KLHL5: variants seen among roughly 807,000 people sequenced by gnomAD.
KLHL5 encodes the protein kelch like family member 5, also known as kelch-like protein 5.
KLHL5 carries 48 observed loss-of-function variants against 77.7 expected under a neutral mutation model. The ratio of observed to expected loss-of-function variants is 0.62; its 90% CI spans 0.49 to 0.79. The LOEUF is 0.79. Among genes scored for constraint, KLHL5 ranks in the 30% least tolerant of loss-of-function variants. The pLI, the probability that KLHL5 is intolerant of heterozygous loss-of-function variation, is 0.00. For missense variants in KLHL5, 723 were observed against 859.7 expected (o/e 0.84, Z 1.99); for synonymous variants, 260 against 297.0 (o/e 0.88, Z 1.28).
rs893396199 is a variant in KLHL5 at position 39,081,725 on chromosome 4, C to T, written c.704-238C>T. On this transcript the variant is annotated intron_variant, in intron 3 of 10. Coordinates refer to ENST00000504108, the MANE Select transcript of KLHL5 (RefSeq NM_015990.5). This position sits in a 1 kb window ranked among gnomAD's most constrained non-coding sequence, Gnocchi z 4.3. ...GTATATAGTAGACATAAGTTACTAA[C>T]GTATCATTTTAAAATTCTGAAAATA... Among the ~76,000 whole-genome samples, 2 of 151,746 alleles carry T rather than the reference C, an allele frequency of 1.3e-5. No homozygotes were observed. Among genetic ancestry groups the T allele is most frequent in the African/African-American group, 4.8e-5 (2 of 41,324 alleles).
intron 5 of KLHL5, among the ~76,000 whole-genome samples, chr4:39,092,882 G>A (rs186656832): frequency 1.4e-4 from 22 of 152,278 alleles, no homozygotes; most frequent in African/African-American, 5.3e-4. Context: ...TGCAAAAACA[G>A]GAACCCTCGT....
At chr4:39,142,048 T>C in the KLHL5 span, among the ~76,000 whole-genome samples, 3 of 152,220 alleles carry the variant, frequency 2.0e-5, no homozygotes, top group Non-Finnish European at 4.4e-5. Context: ...CATTCTGTTA[T>C]GTTTAGCATG....
At chr4:39,111,998 A>G (rs1267801822) in intron 8 of KLHL5, among the ~76,000 whole-genome samples, 1 of 152,160 alleles carries the variant, frequency 6.6e-6, no homozygotes, top group Non-Finnish European at 1.5e-5. Flanking sequence ...TTAAGTATTA[A>G]CTAACATTTG....
rs768442001 is a variant in KLHL5 at position 39,121,098 on chromosome 4, G to A, written c.*32G>A. On this transcript the variant is annotated 3_prime_UTR_variant, in exon 11 of 11. Transcript: ENST00000504108. ...GCCCCGTTTTCTACATGAAGACACCGTCTTCCTTTATTAATTTAGTATAAT... is the reference window on the plus strand; with the variant it reads ...GCCCCGTTTTCTACATGAAGACACCATCTTCCTTTATTAATTTAGTATAAT... 7.9e-5 allele frequency: 115 copies of A among 1,455,972 alleles called. No individual in the cohort carries two copies. The highest frequency in any genetic ancestry group is 1.1e-4 in the East Asian group (5 of 44,262). 90.2% of individuals were successfully genotyped at this position (1,455,972 alleles called of 1,614,324 possible). A position where few individuals can be genotyped will look rare whatever the true frequency, so the allele number is the denominator to read the frequency against.
chr4:39,110,198 A>C (rs1449448794), intron 8 of KLHL5, among the ~76,000 whole-genome samples: 1 of 152,206 alleles, frequency 6.6e-6, no homozygotes, highest in Non-Finnish European at 1.5e-5. Flanking sequence ...TACTTATTAT[A>C]AAAATCTGTG....
intron 6 of KLHL5, 131 bp downstream of exon 6, chr4:39,097,009 T>G (rs1470550103): frequency 2.8e-6 from 2 of 703,042 alleles, no homozygotes; most frequent in Non-Finnish European, 4.8e-6. Context: ...TACCAGATAA[T>G]TGTGTAACAT....
chr4:39,081,499 A>G lies in KLHL5; in HGVS notation c.703+260A>G, dbSNP rs921566876. Among the ~76,000 whole-genome samples the G allele has an allele frequency of 5.3e-5, 8 of 152,106 alleles. No homozygotes were observed. The highest frequency in any genetic ancestry group is 1.9e-4 in the African/African-American group (8 of 41,418). ...GAATTACATAGTGTCAAATTTTTGC[A>G]TTTAAAATTTGAGAGTTGGCCAGGT... On this transcript the variant is annotated intron_variant, in intron 3 of 10. Coordinates refer to ENST00000504108, the MANE Select transcript of KLHL5 (RefSeq NM_015990.5). The surrounding 1 kb of genome is among the most constrained non-coding windows in gnomAD (Gnocchi z 4.3).
the KLHL5 span, among the ~76,000 whole-genome samples, chr4:39,137,925 C>CA: frequency 6.6e-6 from 1 of 152,100 alleles, no homozygotes; most frequent in Non-Finnish European, 1.5e-5. Context: ...GGACACTTTT[C>CA]AAGAGAAGAC....
intron 1 of KLHL5, among the ~76,000 whole-genome samples, chr4:39,070,178 A>G (rs1315952273): frequency 6.6e-6 from 1 of 152,130 alleles, no homozygotes; most frequent in African/African-American, 2.4e-5. Context: ...AGGAGCTACA[A>G]TACTCTTATT....
intron 1 of KLHL5, among the ~76,000 whole-genome samples, chr4:39,070,659 T>A (rs1718389473): frequency 6.6e-6 from 1 of 152,150 alleles, no homozygotes; most frequent in African/African-American, 2.4e-5. Context: ...TTCATACTGG[T>A]TATTATTTAA....
chr4:39,052,419 C>G (rs1219588257), intron 1 of KLHL5, among the ~76,000 whole-genome samples: 1 of 152,048 alleles, frequency 6.6e-6, no homozygotes, highest in Admixed American at 6.6e-5. Flanking sequence ...CACACCTGGC[C>G]CATTTACTCT....
chr4:39,045,904 T>C (rs1039436836), intron 1 of KLHL5, among the ~76,000 whole-genome samples: 15 of 151,746 alleles, frequency 9.9e-5, no homozygotes, highest in Admixed American at 7.9e-4. Flanking sequence ...CTGCTTGCTT[T>C]GAAAAATGAG....
intron 6 of KLHL5, among the ~76,000 whole-genome samples, chr4:39,101,808 T>G (rs1721567607): frequency 6.9e-6 from 1 of 145,314 alleles, no homozygotes; most frequent in African/African-American, 2.6e-5. Context: ...ATCATACCAC[T>G]GCACTCCAGC....
chr4:39,061,042 A>G (rs953554830), upstream of KLHL5, among the ~76,000 whole-genome samples: 3 of 152,134 alleles, frequency 2.0e-5, no homozygotes, highest in Non-Finnish European at 2.9e-5. Context: ...GTAGAAATCT[A>G]TCATTCTACC....
Position 39,103,278 on chromosome 4 carries a change from A to C in KLHL5, c.1301-9A>C. On this transcript the variant is annotated splice_polypyrimidine_tract_variant and intron_variant, in intron 6 of 10. Coordinates refer to ENST00000504108, the MANE Select transcript of KLHL5 (RefSeq NM_015990.5). ...TCTATTTACATAACTTCTATATATT[A>C]CTATGAAGGAGCAACAAGCATTGAA... The C allele has an allele frequency of 6.3e-7, 1 of 1,591,500 alleles. No homozygotes were observed. The highest frequency in any genetic ancestry group is 1.1e-5 in the South Asian group (1 of 88,926).
At chr4:39,085,118 T>G (rs1560422591) in intron 4 of KLHL5, among the ~76,000 whole-genome samples, 1 of 152,226 alleles carries the variant, frequency 6.6e-6, no homozygotes. Context: ...AATGTCAGTA[T>G]GCAATTCAAT....
chr4:39,063,687 C>T (rs1325144685), intron 1 of KLHL5: 2 of 352,272 alleles, frequency 5.7e-6, no homozygotes, highest in East Asian at 7.4e-5. Flanking sequence ...GAAGGACATT[C>T]CTCCAGGAGA....
chr4:39,126,364 C>T (rs1723543859), downstream of KLHL5, among the ~76,000 whole-genome samples: 1 of 152,176 alleles, frequency 6.6e-6, no homozygotes, highest in African/African-American at 2.4e-5. Flanking sequence ...GAACGCACCA[C>T]CTCTTCCATC....
intron 6 of KLHL5, among the ~76,000 whole-genome samples, 161 bp downstream of exon 6, chr4:39,097,039 G>A (rs1721128755): frequency 6.6e-6 from 1 of 152,158 alleles, no homozygotes; most frequent in African/African-American, 2.4e-5. Context: ...CAGAAAATAA[G>A]GAAGTGCTCA....
Sources: gnomAD v4.1 joint callset for allele counts (sites outside exome capture counted in the v4.1 genomes callset) on GRCh38, gnomAD v4.1.1 for gene constraint, Gnocchi (gnomAD v3.1) non-coding constraint, MANE v1.5 for transcripts, NCBI Gene and HGNC (gene_info 2026-07-23, HGNC 2026-07-21) for gene names.